Variants in CFHR1 observed in about 807,000 individuals in gnomAD.
The protein encoded by CFHR1 is complement factor H related 1.
A neutral mutation model predicts 30.4 loss-of-function variants in CFHR1; 22 were observed. That is an observed-to-expected ratio of 0.72 (90% confidence interval 0.52 to 1.03). The LOEUF is 1.03. Ranked by LOEUF, CFHR1 falls within the 50% of genes least tolerant of loss-of-function variation. CFHR1 has a pLI of 0.00. For missense variants in CFHR1, 248 were observed against 380.6 expected (o/e 0.65, Z 2.90); for synonymous variants, 95 against 129.1 (o/e 0.74, Z 1.79).
rs1655294901 is a variant in CFHR1 at position 196,825,649 on chromosome 1, G to T, written c.231G>T (p.Trp77Cys). Residue 77 changes from tryptophan (W) to cysteine (C), a missense_variant, in exon 2 of 6, where the codon TGG (tryptophan) becomes TGT (cysteine). Trp to Cys is a radical substitution (Grantham distance 215). Around this residue, in one of 3 missense-constraint regions of CFHR1, gnomAD observed 121 missense variants for 162.6 expected, o/e 0.74. Transcript: ENST00000320493. ...WTRITCTEEG[W>C]SPTPKCLRLC... ...GCATAACATGCACAGAAGAAGGATG[G>T]TCACCAACACCAAAGTGTCTCAGTG... 1 of 1,523,812 alleles carries T rather than the reference G, an allele frequency of 6.6e-7. No homozygotes were observed. Among genetic ancestry groups the T allele is most frequent in the Non-Finnish European group, 8.9e-7 (1 of 1,128,348 alleles). 94.4% of individuals were successfully genotyped at this position (1,523,812 alleles called of 1,614,324 possible).
At position 196,822,525 on chromosome 1, in the gene CFHR1, TA is replaced by T. The variant is rs1375066444; in HGVS notation, c.58+2626del. Reference sequence around the variant, plus strand: ...ATATTTTACTTATTTATTTACTTTTTAAACCTTTTTGTTAAAAACAGACACA... The same window carrying T: ...ATATTTTACTTATTTATTTACTTTTTAACCTTTTTGTTAAAAACAGACACA... On this transcript the variant is annotated intron_variant, in intron 1 of 5. Coordinates refer to ENST00000320493, the MANE Select transcript of CFHR1 (RefSeq NM_002113.3). Among the ~76,000 whole-genome samples, 2 of 133,576 alleles carry T rather than the reference TA, an allele frequency of 1.5e-5. 1 individual carries two copies. The highest frequency in any genetic ancestry group is 3.1e-5 in the Non-Finnish European group (2 of 64,084). 87.6% of individuals were successfully genotyped at this position (133,576 alleles called of 152,430 possible).
intron 1 of CFHR1, chr1:196,825,165 T>C (rs777044305): frequency 3.8e-6 from 1 of 264,710 alleles, no homozygotes; most frequent in Non-Finnish European, 6.9e-6. Flanking sequence ...GATTTGCTAC[T>C]CTTACACTCT....
chr1:196,822,734 T>C (rs1198289013), intron 1 of CFHR1, among the ~76,000 whole-genome samples: 1 of 134,628 alleles, frequency 7.4e-6, no homozygotes, highest in Admixed American at 7.1e-5. Flanking sequence ...AAACATTAAC[T>C]GTTTTACAGT....
In CFHR1 at chr1:196,823,101, A is replaced by ATGTG. The variant is rs778697156; in HGVS notation, c.59-2346_59-2343dup. ...TACGACTGTATATATATATATATATATGTGTGTGTGTGTGTGTGTGTGTGT... is the reference window on the plus strand; with the variant it reads ...TACGACTGTATATATATATATATATATGTGTGTGTGTGTGTGTGTGTGTGTGTGT... On this transcript the variant is annotated intron_variant, in intron 1 of 5. Transcript: ENST00000320493. 8.6e-3 allele frequency among the ~76,000 whole-genome samples: 405 copies of ATGTG among 47,048 alleles called. 84 individuals carry two copies. Among genetic ancestry groups the ATGTG allele is most frequent in the African/African-American group, 0.037 (338 of 9,086 alleles). 30.9% of individuals were successfully genotyped at this position (47,048 alleles called of 152,430 possible).
rs1293659724 is a variant in CFHR1 at position 196,827,201 on chromosome 1, G to T, written c.430+196G>T. Among the ~76,000 whole-genome samples, 3 of 135,668 alleles carry T rather than the reference G, an allele frequency of 2.2e-5. 1 individual carries two copies. Among genetic ancestry groups the T allele is most frequent in the African/African-American group, 9.4e-5 (3 of 31,780 alleles). The allele number at this position is 135,668 out of a possible 152,430, so 89.0% of individuals were successfully genotyped here. A position where few individuals can be genotyped will look rare whatever the true frequency, so the allele number is the denominator to read the frequency against. ...TATATAAATCAAATGTTCTCAAAGT[G>T]TGGTCGCTAAACCGGTAGCATCATC... On this transcript the variant is annotated intron_variant, in intron 3 of 5. Transcript: ENST00000320493.
chr1:196,831,280 C>T (rs1416362388), intron 5 of CFHR1, among the ~76,000 whole-genome samples: 2 of 135,556 alleles, frequency 1.5e-5, no homozygotes, highest in Non-Finnish European at 3.1e-5. Flanking sequence ...AATTAATTAG[C>T]ACATTCTTCA....
At position 196,819,862 on chromosome 1, in the gene CFHR1, TG is replaced by T. The variant is rs769938205; in HGVS notation, c.19del (p.Val7Ter). 1.7e-3 allele frequency: 804 copies of T among 461,194 alleles called. 1 individual carries two copies. In the African/African-American group the frequency reaches 0.025, roughly 14 times the overall value. The allele number at this position is 461,194 out of a possible 1,614,324, so 28.6% of individuals were successfully genotyped here. On this transcript the variant is annotated frameshift_variant, in exon 1 of 6. Coordinates refer to ENST00000320493, the MANE Select transcript of CFHR1 (RefSeq NM_002113.3). LOFTEE classifies it high-confidence loss of function. ...TACCAAGCATGTGGCTCCTGGTCAG[TG>T]TAATTCTAATCTCACGGATATCCTC... MWLLVSVILISRISSVG... is the reference protein window; with the variant it reads MWLLVSXILISRISSVG...
chr1:196,826,817 T>C lies in CFHR1; in HGVS notation c.254-12T>C, dbSNP rs1655341038. 1.3e-6 allele frequency: 2 copies of C among 1,519,146 alleles called. No individual in the cohort carries two copies. The highest frequency in any genetic ancestry group is 1.7e-5 in the Admixed American group (1 of 57,980). The allele number at this position is 1,519,146 out of a possible 1,614,324, so 94.1% of individuals were successfully genotyped here. On this transcript the variant is annotated splice_polypyrimidine_tract_variant and intron_variant, in intron 2 of 5. Coordinates refer to ENST00000320493, the MANE Select transcript of CFHR1 (RefSeq NM_002113.3). ...CTTCCATCTTGTACATTAATCCGTT[T>C]TTGGTCCTTAGGACTGTGTTTCTTT...
chr1:196,830,262 T>G lies in CFHR1; in HGVS notation c.608-238T>G, dbSNP rs1349645102. ...TCGGAAAGATATTTCTTAATCCTGA[T>G]CTACCATAAGCAGCAATATTTGTTA... On this transcript the variant is annotated intron_variant, in intron 4 of 5. Coordinates refer to ENST00000320493, the MANE Select transcript of CFHR1 (RefSeq NM_002113.3). Among the ~76,000 whole-genome samples the G allele has an allele frequency of 2.2e-5, 3 of 135,414 alleles. 1 individual carries two copies. The highest frequency in any genetic ancestry group is 9.5e-5 in the African/African-American group (3 of 31,738). The allele number at this position is 135,414 out of a possible 152,430, so 88.8% of individuals were successfully genotyped here.
intron 5 of CFHR1, 114 bp downstream of exon 5, chr1:196,830,796 C>A: frequency 7.4e-7 from 1 of 1,348,506 alleles, no homozygotes. Flanking sequence ...TGAATGCCTG[C>A]CTACCAAAAA....
intron 1 of CFHR1, among the ~76,000 whole-genome samples, chr1:196,823,486 C>A (rs1320301765): frequency 7.4e-6 from 1 of 134,858 alleles, no homozygotes; most frequent in South Asian, 2.6e-4. Context: ...CCCTCAACAC[C>A]TTTACCAAAA....
At chr1:196,824,635 A>G (rs912267033) in intron 1 of CFHR1, among the ~76,000 whole-genome samples, 1 of 129,120 alleles carries the variant, frequency 7.7e-6, no homozygotes, top group African/African-American at 3.4e-5. Flanking sequence ...TAGTTGTTAT[A>G]TTGTATCTTT....
At chr1:196,827,888 G>T (rs416670) in intron 3 of CFHR1, among the ~76,000 whole-genome samples, 182 bp from the exon 4 acceptor site, 3 of 130,970 alleles carry the variant, frequency 2.3e-5, no homozygotes, top group East Asian at 4.0e-4. Context: ...GCTTGTACCT[G>T]ACAAAAAATA....
rs768332765 is a variant in CFHR1, at chr1:196,831,931, C to T, written c.925C>T (p.Arg309Cys). The change falls in exon 6 of 6, where the codon CGT becomes TGT. Residue 309 changes from arginine to cysteine, a missense_variant. Coordinates refer to ENST00000320493, the MANE Select transcript of CFHR1 (RefSeq NM_002113.3). ...TAAACGGGGATATCGTCTTTCATCA[C>T]GTTCTCACACATTGCGAACAACATG... is the stretch of plus-strand genomic sequence containing the variant. ...VCKRGYRLSS[R>C]SHTLRTTCWD... 44 of 1,525,210 alleles carry T rather than the reference C, an allele frequency of 2.9e-5. 12 individuals are homozygous for T. The highest frequency in any genetic ancestry group is 1.7e-4 in the African/African-American group (10 of 58,534). The allele number at this position is 1,525,210 out of a possible 1,614,324, so 94.5% of individuals were successfully genotyped here.
chr1:196,827,079 T>A, intron 3 of CFHR1, 74 bp downstream of exon 3: 1 of 1,375,062 alleles, frequency 7.3e-7, no homozygotes, highest in Non-Finnish European at 1.0e-6. Context: ...TTTTTACAGG[T>A]TAAATATAGG....
At chr1:196,827,258 C>A (rs1388438897) in intron 3 of CFHR1, among the ~76,000 whole-genome samples, 3 of 134,718 alleles carry the variant, frequency 2.2e-5, no homozygotes, top group African/African-American at 9.6e-5. Context: ...AATGAAAATA[C>A]AATTCCATAA....
At chr1:196,826,178 A>C (rs1335710100) in intron 2 of CFHR1, among the ~76,000 whole-genome samples, 2 of 134,820 alleles carry the variant, frequency 1.5e-5, no homozygotes, top group East Asian at 3.9e-4. Flanking sequence ...AAGAAAAAAA[A>C]ATTGGGAGAC....
Position 196,830,540 on chromosome 1 carries a change from T to C in CFHR1, c.648T>C (p.Asn216=). 2 of 1,525,492 alleles carry C rather than the reference T, an allele frequency of 1.3e-6. No homozygotes were observed. Among genetic ancestry groups the C allele is most frequent in the Non-Finnish European group, 1.8e-6 (2 of 1,129,412 alleles). 94.5% of individuals were successfully genotyped at this position (1,525,492 alleles called of 1,614,324 possible). The change falls in exon 5 of 6, where the codon AAT becomes AAC. Residue 216 remains asparagine, a synonymous_variant. Coordinates refer to ENST00000320493, the MANE Select transcript of CFHR1 (RefSeq NM_002113.3). Reference sequence around the variant, plus strand: ...GTGGGCCCCCTCCACCTATTGACAATGGGGACATTACTTCATTCCCGTTGT... The same window carrying C: ...GTGGGCCCCCTCCACCTATTGACAACGGGGACATTACTTCATTCCCGTTGT... ...GKCGPPPPID[N]GDITSFPLSV... is the part of the protein sequence containing the mutation.
intron 5 of CFHR1, among the ~76,000 whole-genome samples, chr1:196,831,089 G>A (rs1249558321): frequency 9.6e-5 from 13 of 135,676 alleles, no homozygotes; most frequent in East Asian, 7.8e-4. Context: ...CCGAGTTCGC[G>A]CCACTGCACT....
Sources: allele counts gnomAD v4.1 joint callset (sites outside exome capture counted in the v4.1 genomes callset), GRCh38; gene constraint gnomAD v4.1.1; regional missense constraint gnomAD v4.1.1; transcripts MANE v1.5; gene names NCBI Gene and HGNC (gene_info 2026-07-23, HGNC 2026-07-21).